RBFOX1: variants seen among roughly 807,000 people sequenced by gnomAD.
RBFOX1 encodes the protein RNA binding fox-1 homolog 1.
RBFOX1 carries 8 observed loss-of-function variants against 57.7 expected under a neutral mutation model. That is an observed-to-expected ratio of 0.14 (90% confidence interval 0.08 to 0.25). RBFOX1 has a LOEUF of 0.25. RBFOX1 is among the 10% of genes least tolerant of loss of function. The pLI is 1.00. For synonymous variants in RBFOX1, 326 were observed against 222.4 expected, an observed-to-expected ratio of 1.47 and a Z score of -4.15; for missense variants, 611 against 548.5, an observed-to-expected ratio of 1.11 and a Z score of -1.14.
chr16:6,312,776 C>G (rs1391698095), intron 1 of RBFOX1, among the ~76,000 whole-genome samples: 2 of 151,146 alleles, frequency 1.3e-5, no homozygotes, highest in Admixed American at 1.3e-4. Context: ...CCCTGTTTCC[C>G]TACCTTCCAT....
intron 2 of RBFOX1, among the ~76,000 whole-genome samples, chr16:5,590,626 C>T (rs948523817): frequency 6.6e-6 from 1 of 152,178 alleles, no homozygotes; most frequent in African/African-American, 2.4e-5. Flanking sequence ...TTCAAATTCA[C>T]TCCCAGATCG....
chr16:6,923,602 G>A (rs927717666), intron 3 of RBFOX1, among the ~76,000 whole-genome samples: 2 of 152,126 alleles, frequency 1.3e-5, no homozygotes, highest in African/African-American at 4.8e-5. Context: ...GCAGAGAGCA[G>A]GGTGGAATGG....
chr16:5,665,586 A>T (rs2049816065), intron 3 of RBFOX1, among the ~76,000 whole-genome samples: 1 of 152,198 alleles, frequency 6.6e-6, no homozygotes, highest in African/African-American at 2.4e-5. Context: ...CCTTTGGGTC[A>T]CCAGTCACCA....
intron 4 of RBFOX1, among the ~76,000 whole-genome samples, chr16:7,360,835 C>A (rs1275220867): frequency 1.3e-5 from 2 of 152,204 alleles, no homozygotes; most frequent in African/African-American, 4.8e-5. Context: ...TACATTCCAG[C>A]CCTGCCTCCC....
At chr16:6,361,892 A>C (rs2088614036) in intron 2 of RBFOX1, among the ~76,000 whole-genome samples, 1 of 152,074 alleles carries the variant, frequency 6.6e-6, no homozygotes, top group Non-Finnish European at 1.5e-5. Context: ...TTATTGATCC[A>C]GCCGTTTTTG....
intron 1 of RBFOX1, among the ~76,000 whole-genome samples, chr16:6,079,260 T>C (rs1236583486): frequency 2.0e-5 from 3 of 152,184 alleles, no homozygotes; most frequent in Non-Finnish European, 4.4e-5. Flanking sequence ...GAGCCAAGAT[T>C]GTGCCACTGC....
At chr16:5,829,364 G>A (rs1376475903) in intron 3 of RBFOX1, among the ~76,000 whole-genome samples, 3 of 152,204 alleles carry the variant, frequency 2.0e-5, no homozygotes, top group African/African-American at 7.2e-5. Context: ...ATGACTGCGA[G>A]GAGAATGGAT....
At chr16:7,344,102 T>A (rs1261931963) in intron 4 of RBFOX1, among the ~76,000 whole-genome samples, 3 of 61,952 alleles carry the variant, frequency 4.8e-5, no homozygotes, top group Non-Finnish European at 9.6e-5. Flanking sequence ...TCAGCTTTAC[T>A]TTTTTTTTTT....
intron 2 of RBFOX1, among the ~76,000 whole-genome samples, chr16:6,601,774 T>G (rs2097856289): frequency 6.6e-6 from 1 of 152,210 alleles, no homozygotes; most frequent in Non-Finnish European, 1.5e-5. Context: ...TAGCTGAGTT[T>G]AACCAAAGCA....
chr16:6,727,574 G>A (rs568895824), intron 3 of RBFOX1, among the ~76,000 whole-genome samples: 110 of 152,078 alleles, frequency 7.2e-4, no homozygotes, highest in African/African-American at 2.6e-3. Context: ...CAGCTCTTGG[G>A]GCCTATGCTT....
chr16:7,154,685 TTGTGTGTGTGTGTGTG>T lies in RBFOX1; in HGVS notation c.27+102620_27+102635del, dbSNP rs56742260. On this transcript the variant is annotated intron_variant, in intron 4 of 15. Coordinates refer to ENST00000550418, the MANE Select transcript of RBFOX1 (RefSeq NM_018723.4). ...TGGGAAATGGCTAGACCCTCTTCCT[TTGTGTGTGTGTGTGTG>T]TGTGTGTGTGTGTGTGTGTGTGTGT... 1.3e-3 allele frequency among the ~76,000 whole-genome samples: 193 copies of T among 143,218 alleles called. 1 individual carries two copies. The highest frequency in any genetic ancestry group is 2.5e-3 in the African/African-American group (94 of 37,450). 94.0% of individuals were successfully genotyped at this position (143,218 alleles called of 152,430 possible).
intron 2 of RBFOX1, among the ~76,000 whole-genome samples, chr16:6,636,095 G>T (rs1189676507): frequency 2.0e-5 from 3 of 152,176 alleles, no homozygotes; most frequent in Non-Finnish European, 4.4e-5. Context: ...TGGAGGTCGG[G>T]TATTGAATTT....
chr16:5,925,132 G>T (rs1248396647), intron 4 of RBFOX1, among the ~76,000 whole-genome samples: 1 of 152,098 alleles, frequency 6.6e-6, no homozygotes, highest in Non-Finnish European at 1.5e-5. Context: ...CTCAGATCCC[G>T]ATGCCTCTGC....
intron 2 of RBFOX1, among the ~76,000 whole-genome samples, chr16:5,567,021 G>T (rs2046097237): frequency 6.6e-6 from 1 of 152,148 alleles, no homozygotes; most frequent in Non-Finnish European, 1.5e-5. Flanking sequence ...ACTTTAACCA[G>T]AAAAAGACAT....
At chr16:5,593,414 A>C (rs1180557233) in intron 2 of RBFOX1, among the ~76,000 whole-genome samples, 2 of 152,174 alleles carry the variant, frequency 1.3e-5, no homozygotes, top group Non-Finnish European at 2.9e-5. Flanking sequence ...TGGGTGCAGC[A>C]AACCACCATG....
At chr16:6,078,265 T>C (rs112658948) in intron 1 of RBFOX1, among the ~76,000 whole-genome samples, 1 of 152,220 alleles carries the variant, frequency 6.6e-6, no homozygotes, top group Non-Finnish European at 1.5e-5. Context: ...GTTTCTAGTA[T>C]ATTATGTTGG....
In RBFOX1 at chr16:6,225,903, C is replaced by T. The variant is rs528604265; in HGVS notation, c.-126-91092C>T. Among the ~76,000 whole-genome samples the T allele has an allele frequency of 6.6e-5, 10 of 152,244 alleles. No homozygotes were observed. In the East Asian group the frequency reaches 1.4e-3, roughly 21 times the overall value. On this transcript the variant is annotated intron_variant, in intron 1 of 15. Coordinates refer to ENST00000550418, the MANE Select transcript of RBFOX1 (RefSeq NM_018723.4). ...GTAGACTTTACAGAAACACTGAAGCCGTGCTTTTTGATAGTTAATGGGGGA... is the reference window on the plus strand; with the variant it reads ...GTAGACTTTACAGAAACACTGAAGCTGTGCTTTTTGATAGTTAATGGGGGA...
chr16:7,369,684 G>A (rs183550309), intron 4 of RBFOX1, among the ~76,000 whole-genome samples: 28 of 152,260 alleles, frequency 1.8e-4, no homozygotes, highest in African/African-American at 6.5e-4. Flanking sequence ...TGGGAGGATG[G>A]AGGGGCTATT....
chr16:6,267,375 C>T (rs987512519), intron 1 of RBFOX1, among the ~76,000 whole-genome samples: 2 of 152,184 alleles, frequency 1.3e-5, no homozygotes, highest in Non-Finnish European at 2.9e-5. Context: ...ACCCCGATTT[C>T]ACTATCTCCT....
Sources: allele counts gnomAD v4.1 joint callset (sites outside exome capture counted in the v4.1 genomes callset), GRCh38; gene constraint gnomAD v4.1.1; transcripts MANE v1.5; gene names NCBI Gene and HGNC (gene_info 2026-07-23, HGNC 2026-07-21).